Variants in SH3PXD2A observed in about 807,000 individuals in gnomAD.
The protein encoded by SH3PXD2A is SH3 and PX domain-containing protein 2A.
Under a neutral mutation model 115.2 loss-of-function variants are expected in SH3PXD2A, and 32 were observed. The observed-to-expected ratio is 0.28, with a 90% confidence interval of 0.21 to 0.37. SH3PXD2A has a LOEUF of 0.37. SH3PXD2A is among the 10% of genes least tolerant of loss of function. The pLI, the probability that SH3PXD2A is intolerant of heterozygous loss-of-function variation, is 1.00. For missense variants in SH3PXD2A, 1,328 were observed against 1,498.7 expected, an observed-to-expected ratio of 0.89 and a Z score of 1.88; for synonymous variants, 610 against 629.1, an observed-to-expected ratio of 0.97 and a Z score of 0.45.
Position 103,667,147 on chromosome 10 carries a change from A to G in SH3PXD2A, c.472+1461T>C, listed in dbSNP as rs565111033. On this transcript the variant is annotated intron_variant, in intron 7 of 14. Coordinates refer to ENST00000369774, the MANE Select transcript of SH3PXD2A (RefSeq NM_001394015.1). ...GATGGAGAAACCAAGGCCCAGAGAG[A>G]CTCTGGCCCTGGACTCGCAGTCTGG... 3.2e-4 allele frequency among the ~76,000 whole-genome samples: 49 copies of G among 151,956 alleles called. 1 individual carries two copies. In the South Asian group the frequency reaches 1.0e-2, roughly 31 times the overall value.
chr10:103,855,131 G>A (rs1250780067), intron 1 of SH3PXD2A, 64 bp downstream of exon 1: 3 of 1,245,712 alleles, frequency 2.4e-6, no homozygotes, highest in Non-Finnish European at 3.3e-6. Flanking sequence ...GGGGCAAGGG[G>A]CCATCCGGGG....
chr10:103,648,450 T>G (rs987774507), intron 8 of SH3PXD2A, among the ~76,000 whole-genome samples: 1 of 152,228 alleles, frequency 6.6e-6, no homozygotes, highest in Admixed American at 6.5e-5. Context: ...CCAGCCTGTT[T>G]GTGATTACGG....
intron 6 of SH3PXD2A, 118 bp from the exon 7 acceptor site, chr10:103,668,770 G>A (rs1458065020): frequency 1.1e-6 from 1 of 887,572 alleles, no homozygotes; most frequent in Non-Finnish European, 1.8e-6. Context: ...CCAGCCGCGG[G>A]CGGAAGGCGG....
At position 103,665,668 on chromosome 10, in the gene SH3PXD2A, A is replaced by G. The variant is rs1269757573; in HGVS notation, c.472+2940T>C. ...GGAGCTGCGAGCAGGTATCCAGATG[A>G]GAAACCACTTGCAGGCCAGGCAGGC... On this transcript the variant is annotated intron_variant, in intron 7 of 14. Transcript: ENST00000369774. This position sits in a 1 kb window ranked among gnomAD's most constrained non-coding sequence, Gnocchi z 4.0. Among the ~76,000 whole-genome samples, 1 of 152,180 alleles carries G rather than the reference A, an allele frequency of 6.6e-6. No homozygotes were observed. The highest frequency in any genetic ancestry group is 1.5e-5 in the Non-Finnish European group (1 of 68,020).
chr10:103,809,308 T>C (rs1433030321), intron 1 of SH3PXD2A, among the ~76,000 whole-genome samples: 1 of 152,184 alleles, frequency 6.6e-6, no homozygotes, highest in African/African-American at 2.4e-5. Context: ...TTTCTAGTCC[T>C]GAGACCATCT....
chr10:103,816,902 A>G (rs995356536), intron 1 of SH3PXD2A, among the ~76,000 whole-genome samples: 1 of 151,424 alleles, frequency 6.6e-6, no homozygotes, highest in Non-Finnish European at 1.5e-5. Context: ...CAGTGGTGCC[A>G]TTACTGCAAC....
At chr10:103,715,414 G>GC (rs1445628679) in intron 5 of SH3PXD2A, among the ~76,000 whole-genome samples, 1 of 152,168 alleles carries the variant, frequency 6.6e-6, no homozygotes, top group Non-Finnish European at 1.5e-5. Flanking sequence ...TAGCCTACGC[G>GC]GTCCCTGGCA....
rs774359387 is a variant in SH3PXD2A, at chr10:103,603,623, T to A, written c.1595A>T (p.Lys532Met). 1.2e-6 allele frequency: 2 copies of A among 1,604,744 alleles called. No individual in the cohort carries two copies. Among genetic ancestry groups the A allele is most frequent in the Non-Finnish European group, 1.7e-6 (2 of 1,175,638 alleles). The change falls in exon 15 of 15, where the codon AAG (lysine) becomes ATG (methionine). Residue 532 changes from lysine (K) to methionine (M), a missense_variant. Transcript: ENST00000369774. ...VPPPAPPSKP[K>M]EAEEGPTGAS... ...CCCCGTAGGGCCCTCCTCGGCCTCCTTGGGCTTGCTGGGGGGTGCTGGCGG... is the reference window on the plus strand; with the variant it reads ...CCCCGTAGGGCCCTCCTCGGCCTCCATGGGCTTGCTGGGGGGTGCTGGCGG...
chr10:103,661,668 CGGGAGA>C (rs2037305679), intron 7 of SH3PXD2A: 1 of 985,226 alleles, frequency 1.0e-6, no homozygotes, highest in Admixed American at 6.1e-5. Flanking sequence ...CTCCCTCGGG[CGGGAGA>C]GGGAGAGGAG....
chr10:103,622,720 T>C (rs1218329703), intron 9 of SH3PXD2A, among the ~76,000 whole-genome samples, 167 bp from the exon 10 acceptor site: 1 of 152,128 alleles, frequency 6.6e-6, no homozygotes, highest in African/African-American at 2.4e-5. Flanking sequence ...CCCTGTTGGA[T>C]GGGGCAGATA....
At chr10:103,609,663 C>G (rs565832665) in intron 13 of SH3PXD2A, 2 of 152,270 alleles carry the variant, frequency 1.3e-5, no homozygotes, top group Non-Finnish European at 2.9e-5. Flanking sequence ...AACCCCCTGC[C>G]CTTGTGGATT....
chr10:103,611,851 A>G (rs772779351), intron 12 of SH3PXD2A, among the ~76,000 whole-genome samples: 9 of 152,198 alleles, frequency 5.9e-5, no homozygotes, highest in Admixed American at 1.3e-4. Context: ...CAGGGGATCT[A>G]TGAACACTCT....
At chr10:103,685,619 C>G (rs748414480) in intron 6 of SH3PXD2A, among the ~76,000 whole-genome samples, 1 of 152,200 alleles carries the variant, frequency 6.6e-6, no homozygotes, top group Non-Finnish European at 1.5e-5. Flanking sequence ...CTGCTTCACC[C>G]TTAGTGCTTC....
chr10:103,831,356 C>T (rs541970677), intron 1 of SH3PXD2A, among the ~76,000 whole-genome samples: 57 of 152,324 alleles, frequency 3.7e-4, no homozygotes, highest in Non-Finnish European at 7.5e-4. Context: ...GGGCTGTTCA[C>T]TGAATATACC....
intron 7 of SH3PXD2A, among the ~76,000 whole-genome samples, chr10:103,662,635 A>G (rs943922159): frequency 1.3e-5 from 2 of 150,740 alleles, no homozygotes; most frequent in African/African-American, 4.9e-5. Context: ...TCCTGACCTC[A>G]TGATCCACCC....
intron 5 of SH3PXD2A, among the ~76,000 whole-genome samples, chr10:103,704,085 C>T (rs988970397): frequency 1.3e-5 from 2 of 152,238 alleles, no homozygotes. Flanking sequence ...CCTCCACCTG[C>T]TCCAGCTCCA....
intron 2 of SH3PXD2A, among the ~76,000 whole-genome samples, chr10:103,769,450 T>TTC (rs3976806): frequency 0.098 from 12,431 of 126,788 alleles, 615 homozygotes; most frequent in East Asian, 0.34. Flanking sequence ...CTTCTTCTTC[T>TTC]TTTTTTTTTT....
At chr10:103,791,246 T>A (rs1423991851) in intron 2 of SH3PXD2A, among the ~76,000 whole-genome samples, 1 of 152,234 alleles carries the variant, frequency 6.6e-6, no homozygotes, top group Admixed American at 6.5e-5. Context: ...AGATGGCTTT[T>A]GATTTTCTAC....
At chr10:103,720,992 C>T (rs186579619) in intron 5 of SH3PXD2A, among the ~76,000 whole-genome samples, 2 of 152,352 alleles carry the variant, frequency 1.3e-5, no homozygotes, top group East Asian at 3.9e-4. Flanking sequence ...CATTCCTATT[C>T]CCAGGCCCAT....
Sources: gnomAD v4.1 joint callset for allele counts (sites outside exome capture counted in the v4.1 genomes callset) on GRCh38, gnomAD v4.1.1 for gene constraint, Gnocchi (gnomAD v3.1) non-coding constraint, MANE v1.5 for transcripts, NCBI Gene and HGNC (gene_info 2026-07-23, HGNC 2026-07-21) for gene names.